The following SLC25A26 variants were observed in gnomAD, a reference collection of about 807,000 sequenced individuals.
SLC25A26 encodes the protein solute carrier family 25 member 26, also known as mitochondrial S-adenosylmethionine carrier protein.
A neutral mutation model predicts 37.8 loss-of-function variants in SLC25A26; 36 were observed. That is an observed-to-expected ratio of 0.95 (90% CI 0.73 to 1.26). SLC25A26 has a LOEUF of 1.26. SLC25A26 is among the 50% of genes most tolerant of loss of function. The probability of loss-of-function intolerance (pLI) is 0.00; values close to 1 mark genes in which losing one functional copy is unlikely to be tolerated. For missense variants in SLC25A26, 390 were observed against 331.1 expected, an observed-to-expected ratio of 1.18 and a Z score of -1.38; for synonymous variants, 129 against 122.5, an observed-to-expected ratio of 1.05 and a Z score of -0.35.
At chr3:66,167,129 C>G (rs1018640107) in intron 1 of SLC25A26, among the ~76,000 whole-genome samples, 1 of 152,094 alleles carries the variant, frequency 6.6e-6, no homozygotes, top group South Asian at 2.1e-4. Flanking sequence ...TACTCAGGCT[C>G]GGGTATTAGT....
At chr3:66,336,966 C>T (rs919183113) in intron 5 of SLC25A26, among the ~76,000 whole-genome samples, 1 of 151,990 alleles carries the variant, frequency 6.6e-6, no homozygotes, top group African/African-American at 2.4e-5. Flanking sequence ...ACTGTGACAT[C>T]GTATTTTATA....
Position 66,155,403 on chromosome 3 carries a change from C to T in SLC25A26, c.-354+21419C>T, listed in dbSNP as rs942734216. ...TGGTGTGTGCCTGTAGTCCCAGCTA[C>T]TCAGGAGGCTGAGGCAGAAGGATCA... On this transcript the variant is annotated intron_variant, in intron 1 of 10. Coordinates refer to the SLC25A26 transcript ENST00000676754. Among the ~76,000 whole-genome samples, 6 of 152,096 alleles carry T rather than the reference C, an allele frequency of 3.9e-5. No individual in the cohort carries two copies. The East Asian group carries it at 1.2e-3, about 29-fold the overall frequency.
At chr3:66,325,741 A>G (rs965700341) in intron 5 of SLC25A26, among the ~76,000 whole-genome samples, 1 of 152,188 alleles carries the variant, frequency 6.6e-6, no homozygotes, top group Non-Finnish European at 1.5e-5. Context: ...GGTTATGGGA[A>G]ATGAGCCAGC....
intron 5 of SLC25A26, among the ~76,000 whole-genome samples, chr3:66,292,703 T>C (rs2074755727): frequency 6.6e-6 from 1 of 152,208 alleles, no homozygotes; most frequent in Admixed American, 6.5e-5. Context: ...TAACCCGACC[T>C]TTCTCTCTGG....
intron 1 of SLC25A26, among the ~76,000 whole-genome samples, chr3:66,169,648 G>A (rs1450009174): frequency 6.6e-6 from 1 of 152,138 alleles, no homozygotes; most frequent in Non-Finnish European, 1.5e-5. Flanking sequence ...TATGTCACCA[G>A]TGCCTAGAAA....
chr3:66,203,330 G>A (rs1576635516), intron 1 of SLC25A26, among the ~76,000 whole-genome samples: 1 of 151,960 alleles, frequency 6.6e-6, no homozygotes, highest in East Asian at 1.9e-4. Context: ...GCAGTGAGTG[G>A]TGATCGTGCC....
chr3:66,182,755 A>C (rs2070740467), intron 1 of SLC25A26, among the ~76,000 whole-genome samples: 1 of 150,880 alleles, frequency 6.6e-6, no homozygotes, highest in Non-Finnish European at 1.5e-5. Flanking sequence ...AAGACCAGGG[A>C]ATCTCTGACA....
chr3:66,331,471 T>C (rs954643868), intron 5 of SLC25A26, among the ~76,000 whole-genome samples: 3 of 152,238 alleles, frequency 2.0e-5, no homozygotes, highest in African/African-American at 7.2e-5. Flanking sequence ...CCTATCCTTT[T>C]ATTTCCAAGA....
rs1033387818 is a variant in SLC25A26, at chr3:66,170,803, T to G, written c.-354+36819T>G. Among the ~76,000 whole-genome samples, 9 of 127,542 alleles carry G rather than the reference T, an allele frequency of 7.1e-5. No individual in the cohort carries two copies. In the East Asian group the frequency reaches 1.1e-3, roughly 16 times the overall value. The allele number at this position is 127,542 out of a possible 152,430, so 83.7% of individuals were successfully genotyped here. On this transcript the variant is annotated intron_variant, in intron 1 of 10. Transcript: ENST00000676754. ...AGATGTGATTATTGTTTTTTTTTTT[T>G]TTTTTTTTTTTTTTTTTTGAGACGG...
At position 66,236,528 on chromosome 3, in the gene SLC25A26, T is replaced by TC; in HGVS notation, c.34-15dup. 2.8e-6 allele frequency: 4 copies of TC among 1,424,964 alleles called. No homozygotes were observed. Among genetic ancestry groups the TC allele is most frequent in the Non-Finnish European group, 3.7e-6 (4 of 1,082,972 alleles). 88.3% of individuals were successfully genotyped at this position (1,424,964 alleles called of 1,614,324 possible). Reference sequence around the variant, plus strand: ...ACCTTTTTTTTTTCTTTTTCTTCCCTCTTTTTTTTTCAAAGGCTGGTGGGG... The same window carrying TC: ...ACCTTTTTTTTTTCTTTTTCTTCCCTCCTTTTTTTTTCAAAGGCTGGTGGGG... On this transcript the variant is annotated splice_polypyrimidine_tract_variant and intron_variant, in intron 1 of 9. Coordinates refer to ENST00000354883, the MANE Select transcript of SLC25A26 (RefSeq NM_001379210.1).
rs1423554438 is a variant in SLC25A26 at position 66,378,097 on chromosome 3, GCTTTCATTTGATCTGTATCTGAT to G, written c.*300_*322del. ...TAATGCTGAGGCCAGGCCTTTTAGAGCTTTCATTTGATCTGTATCTGATCTTTCATTTCCTGCCACCTGATGGT... is the reference window on the plus strand; with the variant it reads ...TAATGCTGAGGCCAGGCCTTTTAGAGCTTTCATTTCCTGCCACCTGATGGT... On this transcript the variant is annotated 3_prime_UTR_variant, in exon 10 of 10. Coordinates refer to ENST00000354883, the MANE Select transcript of SLC25A26 (RefSeq NM_001379210.1). 3 of 284,220 alleles carry G rather than the reference GCTTTCATTTGATCTGTATCTGAT, an allele frequency of 1.1e-5. No individual in the cohort carries two copies. Among genetic ancestry groups the G allele is most frequent in the Non-Finnish European group, 2.0e-5 (3 of 151,104 alleles). The allele number at this position is 284,220 out of a possible 1,614,324, so 17.6% of individuals were successfully genotyped here. A position where few individuals can be genotyped will look rare whatever the true frequency, so the allele number is the denominator to read the frequency against.
chr3:66,180,656 G>A (rs1463731427), intron 1 of SLC25A26, among the ~76,000 whole-genome samples: 1 of 152,044 alleles, frequency 6.6e-6, no homozygotes, highest in Non-Finnish European at 1.5e-5. Context: ...GAAAAATTTT[G>A]CTGCAGTGCC....
chr3:66,262,214 G>A (rs769870740), intron 4 of SLC25A26, 59 bp downstream of exon 4: 6 of 840,938 alleles, frequency 7.1e-6, no homozygotes, highest in East Asian at 5.7e-5. Context: ...TAGCTAATAC[G>A]AACACTGTGG....
At chr3:66,221,830 A>C (rs1553658552) in intron 1 of SLC25A26, among the ~76,000 whole-genome samples, 4 of 150,638 alleles carry the variant, frequency 2.7e-5, no homozygotes, top group African/African-American at 9.8e-5. Flanking sequence ...TTGGCTGCCT[A>C]CGTTTTCATT....
rs1176125700 is a variant in SLC25A26 at position 66,378,653 on chromosome 3, ATGTC to A, written c.*847_*850del. The A allele has an allele frequency of 6.6e-6, 1 of 152,558 alleles. No individual in the cohort carries two copies. Among genetic ancestry groups the A allele is most frequent in the African/African-American group, 2.4e-5 (1 of 41,590 alleles). 9.5% of individuals were successfully genotyped at this position (152,558 alleles called of 1,614,324 possible). ...CAGGTGTAGAAAAATTCAAAACAAA[ATGTC>A]AGGAATCTAGCAGTGTTGTCTGCCC... On this transcript the variant is annotated 3_prime_UTR_variant, in exon 10 of 10. Coordinates refer to ENST00000354883, the MANE Select transcript of SLC25A26 (RefSeq NM_001379210.1).
chr3:66,352,428 G>GTTTTT (rs1242977476), intron 6 of SLC25A26, among the ~76,000 whole-genome samples: 15 of 126,664 alleles, frequency 1.2e-4, no homozygotes, highest in African/African-American at 4.5e-4. Context: ...CTCGTTTTTT[G>GTTTTT]TTTTTTGTTT....
At position 66,313,764 on chromosome 3, in the gene SLC25A26, T is replaced by A. The variant is rs530561688; in HGVS notation, c.454-32600T>A. ...TTCCTATCCATGAGCGTGGAATGTTTATCCATTTGTTTGTGTCCTCTCTGA... is the reference window on the plus strand; with the variant it reads ...TTCCTATCCATGAGCGTGGAATGTTAATCCATTTGTTTGTGTCCTCTCTGA... On this transcript the variant is annotated intron_variant, in intron 5 of 9. Transcript: ENST00000354883. 4.6e-5 allele frequency among the ~76,000 whole-genome samples: 7 copies of A among 152,318 alleles called. No individual in the cohort carries two copies. In the East Asian group the frequency reaches 1.4e-3, roughly 29 times the overall value.
chr3:66,367,132 A>T (rs2076841506), intron 7 of SLC25A26, among the ~76,000 whole-genome samples: 1 of 152,180 alleles, frequency 6.6e-6, no homozygotes, highest in African/African-American at 2.4e-5. Context: ...TACGAAGAAA[A>T]AGCACTCATT....
In SLC25A26 at chr3:66,203,887, C is replaced by G. The variant is rs1040183005; in HGVS notation, c.-353-16855C>G. On this transcript the variant is annotated intron_variant, in intron 1 of 10. Coordinates refer to the SLC25A26 transcript ENST00000676754. ...TTATGTTTCTACCTCCCTCATTACACTATGAGCCTCACAATGGCAGAGAAT... is the reference window on the plus strand; with the variant it reads ...TTATGTTTCTACCTCCCTCATTACAGTATGAGCCTCACAATGGCAGAGAAT... 2.2e-4 allele frequency among the ~76,000 whole-genome samples: 34 copies of G among 152,276 alleles called. No homozygotes were observed. In the East Asian group the frequency reaches 6.0e-3, roughly 27 times the overall value.
Sources: allele counts gnomAD v4.1 joint callset (sites outside exome capture counted in the v4.1 genomes callset), GRCh38; gene constraint gnomAD v4.1.1; transcripts MANE v1.5; gene names NCBI Gene and HGNC (gene_info 2026-07-23, HGNC 2026-07-21).